Variants in PIK3C3 observed in about 807,000 individuals in gnomAD.
The protein encoded by PIK3C3 is PI3-kinase type 3.
Under a neutral mutation model 126.1 loss-of-function variants are expected in PIK3C3, and 95 were observed. The ratio of observed to expected loss-of-function variants is 0.75; its 90% CI spans 0.64 to 0.89. The LOEUF is 0.89. Ranked by LOEUF, PIK3C3 falls within the 40% of genes least tolerant of loss-of-function variation. The probability of loss-of-function intolerance (pLI) is 0.00; values close to 1 mark genes in which losing one functional copy is unlikely to be tolerated. For synonymous variants in PIK3C3, 374 were observed against 360.0 expected (o/e 1.04, Z -0.44); for missense variants, 829 against 1,063.2 (o/e 0.78, Z 3.06).
chr18:42,080,037 G>A (rs936864072), intron 24 of PIK3C3, among the ~76,000 whole-genome samples: 3 of 149,548 alleles, frequency 2.0e-5, no homozygotes, highest in African/African-American at 7.4e-5. Flanking sequence ...GTATGATTCT[G>A]TCTATATTAA....
At chr18:41,990,879 G>C (rs1389120386) in intron 6 of PIK3C3, among the ~76,000 whole-genome samples, 1 of 152,152 alleles carries the variant, frequency 6.6e-6, no homozygotes, top group Admixed American at 6.6e-5. Context: ...TTTAAAAAAT[G>C]AAAGGGGGAA....
At chr18:41,959,502 G>A (rs1016968559) in intron 2 of PIK3C3, among the ~76,000 whole-genome samples, 1 of 152,148 alleles carries the variant, frequency 6.6e-6, no homozygotes, top group African/African-American at 2.4e-5. Context: ...GTAGACAATA[G>A]ATTTAGAAAA....
intron 10 of PIK3C3, among the ~76,000 whole-genome samples, chr18:42,011,182 A>G (rs748107899): frequency 8.5e-5 from 13 of 152,318 alleles, no homozygotes; most frequent in Non-Finnish European, 1.6e-4. Flanking sequence ...TTCTGAAATG[A>G]CGAATGAGCA....
rs1287432747 is a variant in PIK3C3 at position 42,084,169 on chromosome 18, A to G, written c.*3032A>G. The G allele has an allele frequency of 6.6e-6, 1 of 152,192 alleles. No individual in the cohort carries two copies. The highest frequency in any genetic ancestry group is 1.5e-5 in the Non-Finnish European group (1 of 68,036). 9.4% of individuals were successfully genotyped at this position (152,192 alleles called of 1,614,324 possible). A position where few individuals can be genotyped will look rare whatever the true frequency, so the allele number is the denominator to read the frequency against. On this transcript the variant is annotated 3_prime_UTR_variant, in exon 25 of 25. Transcript: ENST00000262039. ...ATGAATCTTGCCAATGCAATTGTTA[A>G]CCTACAACCATAATATACCTTAAGT...
chr18:41,982,112 G>A (rs1187263287), intron 4 of PIK3C3, among the ~76,000 whole-genome samples: 1 of 152,120 alleles, frequency 6.6e-6, no homozygotes, highest in Non-Finnish European at 1.5e-5. Context: ...CAAAGATATT[G>A]TCTTCAAGTA....
rs370435146 is a variant in PIK3C3, at chr18:41,996,680, G to A, written c.934G>A (p.Glu312Lys). The change falls in exon 9 of 25, where the codon GAA (glutamate) becomes AAA (lysine). Residue 312 changes from glutamate to lysine, a missense_variant. Physicochemically the swap from Glu to Lys is moderately conservative, Grantham distance 56. Transcript: ENST00000262039. ...ACCAACCAAGCAACTTACATATGAA[G>A]AACAAGATCTTGTTTGGAAGTTTAG... ...YPPTKQLTYE[E>K]QDLVWKFRYY... 1 of 1,575,768 alleles carries A rather than the reference G, an allele frequency of 6.3e-7. No individual in the cohort carries two copies. Among genetic ancestry groups the A allele is most frequent in the African/African-American group, 1.4e-5 (1 of 73,330 alleles).
At chr18:42,066,674 G>A (rs920274567) in intron 23 of PIK3C3, among the ~76,000 whole-genome samples, 2 of 152,244 alleles carry the variant, frequency 1.3e-5, no homozygotes, top group South Asian at 2.1e-4. Context: ...GCACAAAGTA[G>A]TTCTTCAGTA....
intron 24 of PIK3C3, 56 bp from the exon 25 acceptor site, chr18:42,081,067 T>C: frequency 9.7e-7 from 1 of 1,025,678 alleles, no homozygotes; most frequent in Non-Finnish European, 1.5e-6. Flanking sequence ...CTATTGTTTA[T>C]CTTTGTGAAT....
At chr18:42,074,471 A>G (rs1167216752) in intron 24 of PIK3C3, among the ~76,000 whole-genome samples, 1 of 152,132 alleles carries the variant, frequency 6.6e-6, no homozygotes, top group Non-Finnish European at 1.5e-5. Flanking sequence ...CCTTTAACAA[A>G]CATGTAATTG....
intron 24 of PIK3C3, among the ~76,000 whole-genome samples, chr18:42,074,708 A>G (rs1016479517): frequency 3.3e-5 from 5 of 152,118 alleles, no homozygotes; most frequent in Non-Finnish European, 7.4e-5. Context: ...TATTCATACT[A>G]ACTTTCCATT....
intron 16 of PIK3C3, among the ~76,000 whole-genome samples, chr18:42,036,803 T>C (rs1254199707): frequency 2.0e-5 from 3 of 152,136 alleles, no homozygotes; most frequent in Non-Finnish European, 4.4e-5. Context: ...GCTGCACAAC[T>C]AGTACAGATT....
chr18:41,968,483 A>G (rs1333387436), intron 3 of PIK3C3, among the ~76,000 whole-genome samples: 2 of 152,212 alleles, frequency 1.3e-5, no homozygotes, highest in Non-Finnish European at 2.9e-5. Context: ...ATTTTGATTT[A>G]TCACAGCTAG....
intron 13 of PIK3C3, among the ~76,000 whole-genome samples, chr18:42,023,091 A>G (rs1453232998): frequency 6.6e-6 from 1 of 152,172 alleles, no homozygotes; most frequent in African/African-American, 2.4e-5. Context: ...TTTTAAAACC[A>G]TTTGCTAAGA....
chr18:41,986,576 T>G (rs1490452522), intron 4 of PIK3C3, among the ~76,000 whole-genome samples: 1 of 152,032 alleles, frequency 6.6e-6, no homozygotes, highest in Non-Finnish European at 1.5e-5. Flanking sequence ...GGAACTCTGG[T>G]CTTCCAGCTC....
chr18:41,976,921 T>A (rs1325408595), intron 4 of PIK3C3, among the ~76,000 whole-genome samples: 1 of 152,216 alleles, frequency 6.6e-6, no homozygotes, highest in Non-Finnish European at 1.5e-5. Context: ...ACCACGTCTT[T>A]AAATTCTTTA....
intron 7 of PIK3C3, among the ~76,000 whole-genome samples, chr18:41,994,071 A>C (rs1023091147): frequency 6.6e-6 from 1 of 152,140 alleles, no homozygotes; most frequent in Non-Finnish European, 1.5e-5. Flanking sequence ...TACCTTCCTC[A>C]TCAGACCAAA....
At chr18:41,960,451 T>C (rs565589432) in intron 2 of PIK3C3, among the ~76,000 whole-genome samples, 1 of 152,350 alleles carries the variant, frequency 6.6e-6, no homozygotes, top group Non-Finnish European at 1.5e-5. Flanking sequence ...TTCAGAAGTA[T>C]TTTAATCAGA....
intron 24 of PIK3C3, among the ~76,000 whole-genome samples, chr18:42,080,778 T>C (rs1387148803): frequency 1.3e-5 from 2 of 152,226 alleles, no homozygotes; most frequent in Non-Finnish European, 2.9e-5. Flanking sequence ...AGCACACTAC[T>C]CAAAATCACT....
In PIK3C3 at chr18:41,983,753, T is replaced by G. The variant is rs181135720; in HGVS notation, c.532-4059T>G. Among the ~76,000 whole-genome samples the G allele has an allele frequency of 2.1e-3, 321 of 152,252 alleles. 2 individuals are homozygous for G. Among genetic ancestry groups the G allele is most frequent in the Middle Eastern group, 6.8e-3 (2 of 294 alleles). ...TACTTTTGGCTCTGTCCTTGATACT[T>G]TTATTAAACACCTACTAATCTGAGA... On this transcript the variant is annotated intron_variant, in intron 4 of 24. Transcript: ENST00000262039.
Sources: allele counts gnomAD v4.1 joint callset (sites outside exome capture counted in the v4.1 genomes callset), GRCh38; gene constraint gnomAD v4.1.1; transcripts MANE v1.5; gene names NCBI Gene and HGNC (gene_info 2026-07-23, HGNC 2026-07-21).